The following MAGI3 variants were observed in gnomAD, a reference collection of about 807,000 sequenced individuals.
MAGI3 encodes the protein membrane-associated guanylate kinase, WW and PDZ domain-containing protein 3.
Under a neutral mutation model 121.8 loss-of-function variants are expected in MAGI3, and 43 were observed. The ratio of observed to expected loss-of-function variants is 0.35; its 90% CI spans 0.28 to 0.46. The LOEUF (loss-of-function observed/expected upper bound fraction) is 0.46, where lower values mean the gene tolerates loss of function less well. Among genes scored for constraint, MAGI3 ranks in the 20% least tolerant of loss-of-function variants. The pLI, the probability that MAGI3 is intolerant of heterozygous loss-of-function variation, is 1.00. For synonymous variants in MAGI3, 553 were observed against 639.3 expected, an observed-to-expected ratio of 0.86 and a Z score of 2.04; for missense variants, 1,547 against 1,797.3, an observed-to-expected ratio of 0.86 and a Z score of 2.52.
chr1:113,685,181 T>TAAAC lies in MAGI3; in HGVS notation c.*1169_*1172dup, dbSNP rs1309954081. On this transcript the variant is annotated 3_prime_UTR_variant, in exon 21 of 21. Coordinates refer to ENST00000307546, the MANE Select transcript of MAGI3 (RefSeq NM_001142782.2). ...TTATTTAAAAACAAGAAAGGGAGAC[T>TAAAC]AAACATCTGCTTAACTTGTACACAT... 6.6e-6 allele frequency: 1 copy of TAAAC among 152,394 alleles called. No individual in the cohort carries two copies. The highest frequency in any genetic ancestry group is 6.5e-5 in the Admixed American group (1 of 15,290). 9.4% of individuals were successfully genotyped at this position (152,394 alleles called of 1,614,324 possible).
chr1:113,390,542 G>C lies in MAGI3; in HGVS notation c.-492G>C, dbSNP rs1466011449. On this transcript the variant is annotated 5_prime_UTR_variant, in exon 1 of 21. Transcript: ENST00000307546. ...TTTCCTGGCAGCTTGGGCAGGCGTT[G>C]GTCTCCGCGCTACAGCTCCGCAGCG... 6.6e-6 allele frequency among the ~76,000 whole-genome samples: 1 copy of C among 152,170 alleles called. No individual in the cohort carries two copies. The highest frequency in any genetic ancestry group is 1.5e-5 in the Non-Finnish European group (1 of 68,018).
chr1:113,526,464 T>C (rs1424638373), intron 1 of MAGI3, among the ~76,000 whole-genome samples: 2 of 152,074 alleles, frequency 1.3e-5, no homozygotes, highest in Non-Finnish European at 2.9e-5. Context: ...AAGCTCTACG[T>C]ATGAGAGAGA....
intron 6 of MAGI3, among the ~76,000 whole-genome samples, chr1:113,598,714 A>G (rs1649177359): frequency 6.6e-6 from 1 of 152,180 alleles, no homozygotes; most frequent in African/African-American, 2.4e-5. Context: ...GGAGATATCA[A>G]CACAATAATA....
At position 113,681,178 on chromosome 1, in the gene MAGI3, T is replaced by C. The variant is rs766953554; in HGVS notation, c.3190-20T>C. The C allele has an allele frequency of 2.5e-6, 4 of 1,608,382 alleles. No homozygotes were observed. The highest frequency in any genetic ancestry group is 1.7e-4 in the Middle Eastern group (1 of 6,022). On this transcript the variant is annotated intron_variant, in intron 19 of 20. Transcript: ENST00000307546. ...AGGATGCATAGTTTCATGTTGTTCC[T>C]GTGAATGTTCTCTGTCTAGGTTGGT... is the stretch of plus-strand genomic sequence containing the variant.
intron 1 of MAGI3, among the ~76,000 whole-genome samples, chr1:113,527,536 G>A (rs1021810167): frequency 6.6e-6 from 1 of 152,094 alleles, no homozygotes; most frequent in African/African-American, 2.4e-5. Flanking sequence ...GGTGCCAAAT[G>A]GAAAGTTTAG....
intron 1 of MAGI3, among the ~76,000 whole-genome samples, chr1:113,508,752 G>A (rs1258662705): frequency 6.6e-6 from 1 of 152,144 alleles, no homozygotes; most frequent in Non-Finnish European, 1.5e-5. Context: ...TGGAGTCAGA[G>A]CAAAAGGAAA....
intron 1 of MAGI3, among the ~76,000 whole-genome samples, chr1:113,495,694 A>G (rs951418343): frequency 6.6e-6 from 1 of 152,244 alleles, no homozygotes; most frequent in African/African-American, 2.4e-5. Context: ...TTAATTTAAC[A>G]AATAAGCAGA....
intron 9 of MAGI3, among the ~76,000 whole-genome samples, chr1:113,625,412 G>A (rs943344866): frequency 9.9e-5 from 15 of 151,908 alleles, no homozygotes; most frequent in African/African-American, 2.2e-4. Flanking sequence ...GAGATCTTTC[G>A]CTTCTTTGGT....
intron 2 of MAGI3, among the ~76,000 whole-genome samples, chr1:113,559,576 G>GT (rs1294863110): frequency 7.1e-4 from 107 of 149,908 alleles, no homozygotes; most frequent in East Asian, 4.5e-3. Flanking sequence ...CCTTTTTTTT[G>GT]TTTTTTTTTG....
chr1:113,659,007 T>G (rs560998032), intron 15 of MAGI3, 73 bp from the exon 16 acceptor site: 169 of 1,224,352 alleles, frequency 1.4e-4, no homozygotes, highest in Middle Eastern at 1.3e-3. Flanking sequence ...GAATTTTAAA[T>G]GACGTTGATT....
chr1:113,411,656 T>G (rs1651996934), intron 1 of MAGI3, among the ~76,000 whole-genome samples: 1 of 152,010 alleles, frequency 6.6e-6, no homozygotes, highest in Non-Finnish European at 1.5e-5. Flanking sequence ...ACTCGCTTCT[T>G]TGAAGGAAAT....
At chr1:113,427,223 G>T (rs1197784381) in intron 1 of MAGI3, among the ~76,000 whole-genome samples, 1 of 152,194 alleles carries the variant, frequency 6.6e-6, no homozygotes, top group African/African-American at 2.4e-5. Context: ...TTTTGCCCAG[G>T]CTGGACCACC....
rs143094991 is a variant in MAGI3 at position 113,598,601 on chromosome 1, A to G, written c.1018+4041A>G. The stretch of plus-strand genomic sequence containing the variant: ...AAAAAGACAAAGAAGGTCATTATAC[A>G]ATGATAAAATGATCAACAAGAAGAT... On this transcript the variant is annotated intron_variant, in intron 6 of 20. Coordinates refer to ENST00000307546, the MANE Select transcript of MAGI3 (RefSeq NM_001142782.2). Among the ~76,000 whole-genome samples, 21 of 152,314 alleles carry G rather than the reference A, an allele frequency of 1.4e-4. No individual in the cohort carries two copies. The South Asian group carries it at 2.1e-3, about 15-fold the overall frequency.
chr1:113,482,648 T>C (rs78855407), intron 1 of MAGI3, among the ~76,000 whole-genome samples: 1 of 101,640 alleles, frequency 9.8e-6, no homozygotes, highest in South Asian at 3.0e-4. Context: ...CAACCTACTT[T>C]TTTTTTTTTT....
In MAGI3 at chr1:113,497,366, C is replaced by T. The variant is rs1570761535; in HGVS notation, c.317-52149C>T. On this transcript the variant is annotated intron_variant, in intron 1 of 20. Coordinates refer to ENST00000307546, the MANE Select transcript of MAGI3 (RefSeq NM_001142782.2). ...GGCCAGTGTGTGTGCGCACCGTGCG[C>T]GAGCCGAAGCAGGGCGAGGCATTGC... is the stretch of plus-strand genomic sequence containing the variant. Among the ~76,000 whole-genome samples the T allele has an allele frequency of 1.8e-5, 2 of 113,486 alleles. 1 individual carries two copies. Among genetic ancestry groups the T allele is most frequent in the Non-Finnish European group, 3.7e-5 (2 of 54,558 alleles). 74.5% of individuals were successfully genotyped at this position (113,486 alleles called of 152,430 possible).
chr1:113,457,139 C>T (rs922554285), intron 1 of MAGI3, among the ~76,000 whole-genome samples: 4 of 152,114 alleles, frequency 2.6e-5, no homozygotes, highest in Non-Finnish European at 4.4e-5. Flanking sequence ...CTCGCTAGTA[C>T]GCAGTCATGA....
intron 6 of MAGI3, among the ~76,000 whole-genome samples, chr1:113,601,232 A>G (rs1649357904): frequency 6.6e-6 from 1 of 152,138 alleles, no homozygotes; most frequent in African/African-American, 2.4e-5. Flanking sequence ...GGATCTAATT[A>G]AACTAAAGAG....
intron 1 of MAGI3, among the ~76,000 whole-genome samples, chr1:113,444,552 G>C (rs1402687812): frequency 2.0e-5 from 3 of 152,278 alleles, no homozygotes; most frequent in Non-Finnish European, 4.4e-5. Flanking sequence ...ATTTCAGGCT[G>C]ATCATTGGCA....
At chr1:113,626,251 T>C (rs1206515449) in intron 9 of MAGI3, among the ~76,000 whole-genome samples, 1 of 152,254 alleles carries the variant, frequency 6.6e-6, no homozygotes, top group African/African-American at 2.4e-5. Flanking sequence ...ATTCTGTTGA[T>C]ACCATGTATC....
Sources: gnomAD v4.1 joint callset for allele counts (sites outside exome capture counted in the v4.1 genomes callset) on GRCh38, gnomAD v4.1.1 for gene constraint, MANE v1.5 for transcripts, NCBI Gene and HGNC (gene_info 2026-07-23, HGNC 2026-07-21) for gene names.